Variants in USP34 observed in about 807,000 individuals in gnomAD.
USP34 encodes ubiquitin specific peptidase 34, also known as ubiquitin carboxyl-terminal hydrolase 34.
Under a neutral mutation model 460.3 loss-of-function variants are expected in USP34, and 70 were observed. That is an observed-to-expected ratio of 0.15 (90% CI 0.13 to 0.19). USP34 has a LOEUF of 0.19. USP34 is among the 10% of genes least tolerant of loss of function. The pLI is 1.00. For missense variants in USP34, 3,985 were observed against 4,236.2 expected (o/e 0.94, Z 1.65); for synonymous variants, 1,647 against 1,405.3 (o/e 1.17, Z -3.85).
At chr2:61,464,539 A>G (rs1279479644) in intron 1 of USP34, among the ~76,000 whole-genome samples, 1 of 152,026 alleles carries the variant, frequency 6.6e-6, no homozygotes, top group Non-Finnish European at 1.5e-5. Flanking sequence ...ACAACTTGGT[A>G]AACTATAACC....
intron 20 of USP34, among the ~76,000 whole-genome samples, chr2:61,325,890 AT>A (rs1393295155): frequency 6.6e-6 from 1 of 152,224 alleles, no homozygotes; most frequent in Admixed American, 6.5e-5. Context: ...ATTTCCATAA[AT>A]CTAGTTCATG....
At position 61,204,396 on chromosome 2, in the gene USP34, T is replaced by A; in HGVS notation, c.9260-16A>T. The A allele has an allele frequency of 1.2e-6, 2 of 1,613,932 alleles. No homozygotes were observed. The highest frequency in any genetic ancestry group is 1.7e-6 in the Non-Finnish European group (2 of 1,179,946). On this transcript the variant is annotated splice_polypyrimidine_tract_variant and intron_variant, in intron 73 of 79. Transcript: ENST00000398571. ...CCAAGAGACACTAAGATATTAAAAGTGTACAGTAAGAATAAATGGAAAAAA... is the reference window on the plus strand; with the variant it reads ...CCAAGAGACACTAAGATATTAAAAGAGTACAGTAAGAATAAATGGAAAAAA...
chr2:61,347,729 T>C, intron 15 of USP34, 141 bp downstream of exon 15: 5 of 1,435,234 alleles, frequency 3.5e-6, no homozygotes, highest in Non-Finnish European at 4.6e-6. Flanking sequence ...CTTGAAATTA[T>C]CTATTTGTAG....
At chr2:61,353,949 C>T (rs977826895) in intron 10 of USP34, among the ~76,000 whole-genome samples, 1 of 152,000 alleles carries the variant, frequency 6.6e-6, no homozygotes, top group Non-Finnish European at 1.5e-5. Flanking sequence ...ATCAGCATAC[C>T]CGTAAGTAGG....
At chr2:61,193,054 C>T (rs1244052247) in intron 75 of USP34, 74 bp from the exon 76 acceptor site, 7 of 1,177,640 alleles carry the variant, frequency 5.9e-6, no homozygotes, top group African/African-American at 1.5e-5. Flanking sequence ...TCTGCAGGTA[C>T]AATATTACAG....
intron 10 of USP34, among the ~76,000 whole-genome samples, chr2:61,357,562 G>T (rs757583770): frequency 1.4e-4 from 21 of 151,998 alleles, no homozygotes; most frequent in South Asian, 1.0e-3. Flanking sequence ...GCTAGTAGAA[G>T]GAAGAAAATG....
intron 69 of USP34, among the ~76,000 whole-genome samples, chr2:61,210,076 TATA>T (rs1558467675): frequency 6.6e-6 from 1 of 152,204 alleles, no homozygotes; most frequent in African/African-American, 2.4e-5. Flanking sequence ...TAAAAAAACT[TATA>T]AAGTAAAAAA....
At position 61,236,354 on chromosome 2, in the gene USP34, G is replaced by T; in HGVS notation, c.6813C>A (p.Asp2271Glu). ...IWHDNMQFLQ[D>E]KNIFEHTYFG... ...AATATGTATGTTCAAAAATGTTTTTGTCTTGAAGAAACTGCATGTTATCAT... is the reference window on the plus strand; with the variant it reads ...AATATGTATGTTCAAAAATGTTTTTTTCTTGAAGAAACTGCATGTTATCAT... Residue 2271 changes from aspartate to glutamate, a missense_variant, in exon 54 of 80, where the codon GAC becomes GAA. This residue lies in a region of USP34 where 604 missense variants were observed against 684.8 expected (regional missense o/e 0.88). Coordinates refer to ENST00000398571, the MANE Select transcript of USP34 (RefSeq NM_014709.4). 1 of 1,604,286 alleles carries T rather than the reference G, an allele frequency of 6.2e-7. No homozygotes were observed. Among genetic ancestry groups the T allele is most frequent in the Non-Finnish European group, 8.5e-7 (1 of 1,176,252 alleles).
At chr2:61,410,664 C>T (rs1304163919) in intron 2 of USP34, among the ~76,000 whole-genome samples, 1 of 152,174 alleles carries the variant, frequency 6.6e-6, no homozygotes, top group Non-Finnish European at 1.5e-5. Context: ...TACACATAAA[C>T]TTTACTTGTT....
intron 10 of USP34, among the ~76,000 whole-genome samples, chr2:61,365,546 C>T (rs1009201182): frequency 1.3e-5 from 2 of 151,888 alleles, no homozygotes; most frequent in Non-Finnish European, 2.9e-5. Context: ...ATAACATCCA[C>T]AAATTTCTCT....
chr2:61,210,550 T>C (rs1489435900), intron 69 of USP34, among the ~76,000 whole-genome samples: 2 of 152,228 alleles, frequency 1.3e-5, no homozygotes, highest in East Asian at 1.9e-4. Context: ...TTTCTCAGAA[T>C]GTAACCCTGT....
chr2:61,191,790 G>A (rs935228494), intron 76 of USP34, among the ~76,000 whole-genome samples: 1 of 152,196 alleles, frequency 6.6e-6, no homozygotes, highest in Non-Finnish European at 1.5e-5. Flanking sequence ...CAGGAAGAAT[G>A]AAAAAGAACA....
intron 75 of USP34, among the ~76,000 whole-genome samples, chr2:61,202,571 A>AC (rs952212803): frequency 2.2e-4 from 33 of 151,412 alleles, no homozygotes; most frequent in Non-Finnish European, 4.3e-4. Flanking sequence ...GATATTCGAG[A>AC]CCCCCCGCCA....
intron 3 of USP34, among the ~76,000 whole-genome samples, chr2:61,398,946 A>G (rs1295346506): frequency 6.6e-6 from 1 of 152,200 alleles, no homozygotes; most frequent in East Asian, 1.9e-4. Flanking sequence ...TGGTCTTCAA[A>G]AAGTCCAGAA....
chr2:61,342,296 CTTTTTT>C lies in USP34; in HGVS notation c.2500+1513_2500+1518del, dbSNP rs34298126. On this transcript the variant is annotated intron_variant, in intron 16 of 79. Coordinates refer to ENST00000398571, the MANE Select transcript of USP34 (RefSeq NM_014709.4). ...TGAGAGTGTACTTACTGGCCGTTTC[CTTTTTT>C]TTTTTTTTTTTTTTTTAAGACGGAG... Among the ~76,000 whole-genome samples the C allele has an allele frequency of 8.4e-5, 8 of 95,096 alleles. No homozygotes were observed. In the South Asian group the frequency reaches 1.3e-3, roughly 16 times the overall value. The allele number at this position is 95,096 out of a possible 152,430, so 62.4% of individuals were successfully genotyped here. A position where few individuals can be genotyped will look rare whatever the true frequency, so the allele number is the denominator to read the frequency against.
At chr2:61,454,216 C>A (rs1378319942) in intron 1 of USP34, among the ~76,000 whole-genome samples, 1 of 152,058 alleles carries the variant, frequency 6.6e-6, no homozygotes, top group African/African-American at 2.4e-5. Context: ...CCTCCACCTC[C>A]CAGGTTCAAG....
chr2:61,326,794 T>TTTTTC (rs1156780136), intron 20 of USP34, among the ~76,000 whole-genome samples: 1 of 149,800 alleles, frequency 6.7e-6, no homozygotes, highest in Non-Finnish European at 1.5e-5. Flanking sequence ...TTTTTTTTTT[T>TTTTTC]TTTTTTGCCG....
In USP34 at chr2:61,229,612, G is replaced by A; in HGVS notation, c.7135C>T (p.His2379Tyr). The A allele has an allele frequency of 6.2e-7, 1 of 1,612,190 alleles. No individual in the cohort carries two copies. Among genetic ancestry groups the A allele is most frequent in the Non-Finnish European group, 8.5e-7 (1 of 1,179,322 alleles). ...VRQMFQRLCIHVIQRLRPVHA... is the reference protein window; with the variant it reads ...VRQMFQRLCIYVIQRLRPVHA... The stretch of plus-strand genomic sequence containing the variant: ...ACAGGTCTCAGCCTCTGAATCACAT[G>A]GATACACAAACGCTGAAACATCTGT... Residue 2379 changes from histidine (H) to tyrosine (Y), a missense_variant, in exon 59 of 80, where the codon CAT (histidine) becomes TAT (tyrosine). By Grantham distance (83) the His-to-Tyr change is moderately conservative. This residue lies in a region of USP34 where 604 missense variants were observed against 684.8 expected (regional missense o/e 0.88). Transcript: ENST00000398571.
intron 41 of USP34, among the ~76,000 whole-genome samples, chr2:61,274,445 A>C (rs1166325229): frequency 2.8e-5 from 3 of 105,988 alleles, no homozygotes; most frequent in African/African-American, 6.0e-5. Flanking sequence ...TCAAGACAGA[A>C]AAAAAAAAAA....
Sources: allele counts gnomAD v4.1 joint callset (sites outside exome capture counted in the v4.1 genomes callset), GRCh38; gene constraint gnomAD v4.1.1; regional missense constraint gnomAD v4.1.1; transcripts MANE v1.5; gene names NCBI Gene and HGNC (gene_info 2026-07-23, HGNC 2026-07-21).